The following RIMS1 variants were observed in gnomAD, a reference collection of about 807,000 sequenced individuals.
The protein encoded by RIMS1 is regulating synaptic membrane exocytosis 1.
RIMS1 carries 83 observed loss-of-function variants against 214.1 expected under a neutral mutation model. The observed-to-expected ratio is 0.39, with a 90% CI of 0.32 to 0.47. The LOEUF (loss-of-function observed/expected upper bound fraction) is 0.47, where lower values mean the gene tolerates loss of function less well. RIMS1 is among the 20% of genes least tolerant of loss of function. RIMS1 has a pLI of 0.99. For missense variants in RIMS1, 2,050 were observed against 2,161.8 expected (o/e 0.95, Z 1.03); for synonymous variants, 793 against 786.8 (o/e 1.01, Z -0.13).
chr6:72,337,441 G>C (rs1287898308), intron 29 of RIMS1, among the ~76,000 whole-genome samples: 1 of 151,624 alleles, frequency 6.6e-6, no homozygotes, highest in Non-Finnish European at 1.5e-5. Flanking sequence ...TTTCTAAGTG[G>C]ATAAAAGTAA....
intron 31 of RIMS1, among the ~76,000 whole-genome samples, chr6:72,396,102 G>T (rs2098772650): frequency 6.6e-6 from 1 of 151,354 alleles, no homozygotes; most frequent in South Asian, 2.1e-4. Flanking sequence ...CACATGGTTG[G>T]TTTAATATTT....
At chr6:71,941,653 C>G (rs1243320061) in intron 1 of RIMS1, among the ~76,000 whole-genome samples, 1 of 152,134 alleles carries the variant, frequency 6.6e-6, no homozygotes, top group Non-Finnish European at 1.5e-5. Context: ...GTGGAGCTAG[C>G]CTTTTGCTCC....
At chr6:72,159,688 T>C (rs1405331612) in intron 4 of RIMS1, among the ~76,000 whole-genome samples, 1 of 140,298 alleles carries the variant, frequency 7.1e-6, no homozygotes, top group African/African-American at 2.5e-5. Context: ...TTGTCAAAGA[T>C]CAGATAGTTG....
At chr6:72,151,474 A>G (rs2043578658) in intron 4 of RIMS1, among the ~76,000 whole-genome samples, 1 of 152,226 alleles carries the variant, frequency 6.6e-6, no homozygotes, top group South Asian at 2.1e-4. Context: ...CTTCCTCATT[A>G]TAACCTACTC....
intron 2 of RIMS1, among the ~76,000 whole-genome samples, chr6:72,078,495 T>C (rs565692670): frequency 1.4e-3 from 208 of 152,268 alleles, no homozygotes; most frequent in African/African-American, 4.7e-3. Context: ...TTGGCAAGGA[T>C]ACTTATCCTT....
At chr6:71,988,411 A>G (rs1562039464) in intron 2 of RIMS1, among the ~76,000 whole-genome samples, 1 of 152,112 alleles carries the variant, frequency 6.6e-6, no homozygotes, top group Non-Finnish European at 1.5e-5. Context: ...TGAGAACTAA[A>G]TTCAAAATCC....
At chr6:71,964,826 T>G (rs1363693747) in intron 1 of RIMS1, among the ~76,000 whole-genome samples, 1 of 152,144 alleles carries the variant, frequency 6.6e-6, no homozygotes, top group African/African-American at 2.4e-5. Flanking sequence ...GTTGCATGTA[T>G]TTGGGGTACT....
intron 1 of RIMS1, among the ~76,000 whole-genome samples, chr6:71,911,557 G>A (rs1776938017): frequency 6.6e-6 from 1 of 152,050 alleles, no homozygotes; most frequent in Non-Finnish European, 1.5e-5. Context: ...GGCCCTTGGT[G>A]GATTTAGCAC....
chr6:72,147,884 A>G (rs2042957621), intron 4 of RIMS1, among the ~76,000 whole-genome samples: 1 of 152,184 alleles, frequency 6.6e-6, no homozygotes, highest in South Asian at 2.1e-4. Flanking sequence ...ACTATTTTGC[A>G]CAGAGAGTGG....
chr6:72,063,948 A>G (rs1828586957), intron 2 of RIMS1, among the ~76,000 whole-genome samples: 1 of 152,112 alleles, frequency 6.6e-6, no homozygotes, highest in Non-Finnish European at 1.5e-5. Context: ...TTCTCACATC[A>G]TCTTCCCTCT....
At chr6:72,050,396 A>G (rs1472483442) in intron 2 of RIMS1, among the ~76,000 whole-genome samples, 1 of 152,028 alleles carries the variant, frequency 6.6e-6, no homozygotes, top group African/African-American at 2.4e-5. Context: ...AGTCACTTTC[A>G]TTTAGTAAAA....
At chr6:71,958,191 A>G (rs549093839) in intron 1 of RIMS1, among the ~76,000 whole-genome samples, 1 of 152,106 alleles carries the variant, frequency 6.6e-6, no homozygotes, top group Non-Finnish European at 1.5e-5. Context: ...TGATCATAAC[A>G]TTTGTCATGG....
At chr6:72,019,742 G>A (rs376791144) in intron 2 of RIMS1, among the ~76,000 whole-genome samples, 9 of 152,048 alleles carry the variant, frequency 5.9e-5, no homozygotes, top group Admixed American at 4.6e-4. Context: ...TCTTGGCTCC[G>A]TGGGAATGTG....
At chr6:72,005,634 C>G (rs1219119946) in intron 2 of RIMS1, among the ~76,000 whole-genome samples, 1 of 152,152 alleles carries the variant, frequency 6.6e-6, no homozygotes, top group African/African-American at 2.4e-5. Flanking sequence ...CACTGACTTG[C>G]CTCTATTACA....
At chr6:72,264,520 C>T (rs962516070) in intron 19 of RIMS1, among the ~76,000 whole-genome samples, 3 of 152,082 alleles carry the variant, frequency 2.0e-5, no homozygotes, top group Non-Finnish European at 4.4e-5. Context: ...CTATGACCAG[C>T]TTTGTCCCTG....
At chr6:72,142,192 A>G (rs1016685915) in intron 4 of RIMS1, among the ~76,000 whole-genome samples, 14 of 151,996 alleles carry the variant, frequency 9.2e-5, no homozygotes, top group Admixed American at 3.3e-4. Context: ...GGCAGAAAAA[A>G]AAATCATTGG....
intron 2 of RIMS1, among the ~76,000 whole-genome samples, chr6:72,092,127 A>G (rs1396943268): frequency 6.6e-6 from 1 of 152,214 alleles, no homozygotes; most frequent in East Asian, 1.9e-4. Flanking sequence ...ATATCAGAGT[A>G]ATGTAAGGGG....
At chr6:71,939,486 G>C (rs1785398677) in intron 1 of RIMS1, among the ~76,000 whole-genome samples, 1 of 152,100 alleles carries the variant, frequency 6.6e-6, no homozygotes, top group Admixed American at 6.5e-5. Flanking sequence ...CTTTTACTCT[G>C]TTTTCTGCAG....
chr6:72,148,842 C>T (rs2043111227), intron 4 of RIMS1, among the ~76,000 whole-genome samples: 1 of 151,846 alleles, frequency 6.6e-6, no homozygotes, highest in Non-Finnish European at 1.5e-5. Context: ...CAGTCAGTGA[C>T]TGGTGGGGGT....
Sources: gnomAD v4.1 joint callset for allele counts (sites outside exome capture counted in the v4.1 genomes callset) on GRCh38, gnomAD v4.1.1 for gene constraint, MANE v1.5 for transcripts, NCBI Gene and HGNC (gene_info 2026-07-23, HGNC 2026-07-21) for gene names.